LAYN: variants seen among roughly 807,000 people sequenced by gnomAD.
LAYN encodes layilin.
Under a neutral mutation model 43.6 loss-of-function variants are expected in LAYN, and 38 were observed. The observed-to-expected ratio is 0.87, with a 90% CI of 0.67 to 1.14. LAYN has a LOEUF of 1.14. Ranked by LOEUF, LAYN falls within the 50% of genes most tolerant of loss-of-function variation. LAYN has a pLI of 0.00. For synonymous variants in LAYN, 168 were observed against 172.9 expected (o/e 0.97, Z 0.22); for missense variants, 479 against 463.8 (o/e 1.03, Z -0.30).
Position 111,561,497 on chromosome 11 carries a change from A to G in LAYN, c.*1039A>G, listed in dbSNP as rs1463878404. On this transcript the variant is annotated 3_prime_UTR_variant, in exon 7 of 7. Coordinates refer to ENST00000375614, the MANE Select transcript of LAYN (RefSeq NM_178834.5). ...GCAGCATCAACATAACATGACTAAT[A>G]ATGATGACAGTTCTACCTTTTGTTG... 6.6e-6 allele frequency: 1 copy of G among 152,244 alleles called. No individual in the cohort carries two copies. The highest frequency in any genetic ancestry group is 1.5e-5 in the Non-Finnish European group (1 of 68,036). 9.4% of individuals were successfully genotyped at this position (152,244 alleles called of 1,614,324 possible).
upstream of LAYN, chr11:111,540,568 T>G: frequency 2.1e-6 from 1 of 482,752 alleles, no homozygotes; most frequent in Admixed American, 4.4e-5. Flanking sequence ...CCTCTGCGAC[T>G]CGCCCCTCTC....
Position 111,560,205 on chromosome 11 carries a change from G to A in LAYN, c.872G>A (p.Ser291Asn). 6.2e-7 allele frequency: 1 copy of A among 1,614,216 alleles called. No homozygotes were observed. Among genetic ancestry groups the A allele is most frequent in the Non-Finnish European group, 8.5e-7 (1 of 1,180,042 alleles). ...GTCTACAATGTCATAAGAAAACAAA[G>A]CGAAGCTGACTTAGCTGAGACCCGG... ...LEVYNVIRKQ[S>N]EADLAETRPD... The change falls in exon 7 of 7, where the codon AGC becomes AAC. Residue 291 changes from serine to asparagine, a missense_variant. Physicochemically the swap from Ser to Asn is conservative, Grantham distance 46. Coordinates refer to ENST00000375614, the MANE Select transcript of LAYN (RefSeq NM_178834.5).
chr11:111,542,625 C>A (rs919785497), intron 1 of LAYN, among the ~76,000 whole-genome samples: 2 of 152,226 alleles, frequency 1.3e-5, no homozygotes, highest in Non-Finnish European at 2.9e-5. Flanking sequence ...TCCAGAAGTT[C>A]TGGGAGGAGG....
At chr11:111,541,130 C>T (rs572642276) in intron 1 of LAYN, among the ~76,000 whole-genome samples, 3 of 152,248 alleles carry the variant, frequency 2.0e-5, no homozygotes, top group Non-Finnish European at 4.4e-5. Flanking sequence ...CGGAGCTGCG[C>T]AGTTCCCTGC....
chr11:111,540,715 C>A, upstream of LAYN: 1 of 881,002 alleles, frequency 1.1e-6, no homozygotes, highest in Admixed American at 3.5e-5. Context: ...TCCCCCCCGC[C>A]TCCCGTGCGG....
chr11:111,540,891 G>T lies in LAYN; in HGVS notation c.48G>T (p.Leu16=). ...AGGCCGTGCTGCTGGCCGTGCTGCTGGTGGGGCTGCGGGCCGCGACGGGTC... is the reference window on the plus strand; with the variant it reads ...AGGCCGTGCTGCTGGCCGTGCTGCTTGTGGGGCTGCGGGCCGCGACGGGTC... ...ALQAVLLAVL[L]VGLRAATGRL... The change falls in exon 1 of 7, where the codon CTG becomes CTT. Residue 16 remains leucine (L), a synonymous_variant. Transcript: ENST00000375614. The T allele has an allele frequency of 6.5e-7, 1 of 1,532,524 alleles. No homozygotes were observed. The highest frequency in any genetic ancestry group is 8.7e-7 in the Non-Finnish European group (1 of 1,145,764). The allele number at this position is 1,532,524 out of a possible 1,614,324, so 94.9% of individuals were successfully genotyped here.
rs1161189175 is a variant in LAYN, at chr11:111,540,744, A to C, written c.-100A>C. On this transcript the variant is annotated 5_prime_UTR_variant, in exon 1 of 7. An upstream start codon of the reference 5' UTR is lost. Coordinates refer to ENST00000375614, the MANE Select transcript of LAYN (RefSeq NM_178834.5). ...CGTGCGGTCCGTCGGTGGCCTAGAG[A>C]TGCTGCTGCCGCGGTTGCAGTTGTC... 6.6e-6 allele frequency: 8 copies of C among 1,209,690 alleles called. No homozygotes were observed. Among genetic ancestry groups the C allele is most frequent in the Non-Finnish European group, 8.9e-6 (8 of 894,774 alleles). The allele number at this position is 1,209,690 out of a possible 1,614,324, so 74.9% of individuals were successfully genotyped here. A position where few individuals can be genotyped will look rare whatever the true frequency, so the allele number is the denominator to read the frequency against.
In LAYN at chr11:111,544,160, G is replaced by A. The variant is rs759614532; in HGVS notation, c.323G>A (p.Ser108Asn). 41 of 1,614,062 alleles carry A rather than the reference G, an allele frequency of 2.5e-5. No homozygotes were observed. Among genetic ancestry groups the A allele is most frequent in the Non-Finnish European group, 3.3e-5 (39 of 1,180,044 alleles). The change falls in exon 2 of 7, where the codon AGC (serine) becomes AAC (asparagine). Residue 108 changes from serine to asparagine, a missense_variant. Transcript: ENST00000375614. ...CTCAGGAGGCGTGAGGAGAAACAAA[G>A]CAATAGCACAGCCTGCCAGGACCTT... ...IGLRRREEKQ[S>N]NSTACQDLYA...
In LAYN at chr11:111,540,809, C is replaced by T. The variant is rs1319774770; in HGVS notation, c.-35C>T. 6.6e-7 allele frequency: 1 copy of T among 1,510,890 alleles called. No individual in the cohort carries two copies. The highest frequency in any genetic ancestry group is 8.8e-7 in the Non-Finnish European group (1 of 1,135,864). 93.6% of individuals were successfully genotyped at this position (1,510,890 alleles called of 1,614,324 possible). A position where few individuals can be genotyped will look rare whatever the true frequency, so the allele number is the denominator to read the frequency against. ...CCGCCAGCCCGCTCCACCGCCGTAGCGCCCGAGTGTCGGGGGGCGCACCCG... is the reference window on the plus strand; with the variant it reads ...CCGCCAGCCCGCTCCACCGCCGTAGTGCCCGAGTGTCGGGGGGCGCACCCG... On this transcript the variant is annotated 5_prime_UTR_variant, in exon 1 of 7. Transcript: ENST00000375614.
In LAYN at chr11:111,555,285, G is replaced by A. The variant is rs1393185537; in HGVS notation, c.653G>A (p.Ser218Asn). The change falls in exon 5 of 7, where the codon AGT (serine) becomes AAT (asparagine). Residue 218 changes from serine to asparagine, a missense_variant. Ser to Asn is a conservative substitution (Grantham distance 46, BLOSUM62 1). Transcript: ENST00000375614. ...GATGCCAAAAAAACATTTAAAGAAAGTAGAGGTATCTACAAAACTCTCCTG... is the reference window on the plus strand; with the variant it reads ...GATGCCAAAAAAACATTTAAAGAAAATAGAGGTATCTACAAAACTCTCCTG... ...EEDAKKTFKE[S>N]REAALNLAYI... 3.1e-6 allele frequency: 5 copies of A among 1,610,006 alleles called. No individual in the cohort carries two copies. Among genetic ancestry groups the A allele is most frequent in the Admixed American group, 1.7e-5 (1 of 59,968 alleles).
At position 111,557,662 on chromosome 11, in the gene LAYN, G is replaced by T; in HGVS notation, c.761+19G>T. ...GAAAAAGGCAAGTAAAACCTTCATT[G>T]TGTAAACCTTTGCATCTTCTGCTCT... On this transcript the variant is annotated intron_variant, in intron 6 of 6. Transcript: ENST00000375614. The T allele has an allele frequency of 6.4e-7, 1 of 1,569,712 alleles. No individual in the cohort carries two copies.
At chr11:111,555,548 T>G (rs1867822900) in intron 5 of LAYN, among the ~76,000 whole-genome samples, 1 of 152,148 alleles carries the variant, frequency 6.6e-6, no homozygotes, top group Non-Finnish European at 1.5e-5. Flanking sequence ...TGGGAGCCAC[T>G]CAGAGGTCAT....
chr11:111,555,363 C>G (rs965130443), intron 5 of LAYN, 73 bp downstream of exon 5: 9 of 1,107,102 alleles, frequency 8.1e-6, no homozygotes, highest in Non-Finnish European at 1.2e-5. Context: ...TGGTTGAATT[C>G]CCTACTTTGT....
chr11:111,542,232 C>G (rs1185092253), intron 1 of LAYN, among the ~76,000 whole-genome samples: 2 of 152,192 alleles, frequency 1.3e-5, no homozygotes, highest in African/African-American at 4.8e-5. Flanking sequence ...CCGGGGGTAT[C>G]CCTGCCTCAG....
chr11:111,540,667 C>T, upstream of LAYN: 3 of 572,324 alleles, frequency 5.2e-6, no homozygotes, highest in Non-Finnish European at 8.7e-6. Flanking sequence ...GCAGTGACGT[C>T]CCAGGGGGCG....
intron 3 of LAYN, among the ~76,000 whole-genome samples, chr11:111,551,712 GACA>G (rs200540269): frequency 0.012 from 1,804 of 152,186 alleles, 36 homozygotes; most frequent in African/African-American, 0.041. Flanking sequence ...CTTCAGATTA[GACA>G]ACACCTTCTC....
At chr11:111,551,242 C>G (rs1349271382) in intron 3 of LAYN, 2 of 429,654 alleles carry the variant, frequency 4.7e-6, no homozygotes, top group Admixed American at 5.1e-5. Context: ...TCAAACCATG[C>G]TGACGTGGGA....
intron 1 of LAYN, 116 bp from the exon 2 acceptor site, chr11:111,543,807 A>G: frequency 1.2e-6 from 1 of 816,760 alleles, no homozygotes; most frequent in Non-Finnish European, 1.9e-6. Flanking sequence ...ATAACAGTCT[A>G]CTGATGTGTA....
intron 2 of LAYN, among the ~76,000 whole-genome samples, chr11:111,545,055 A>AATAC (rs1555016973): frequency 2.4e-5 from 2 of 82,466 alleles, no homozygotes; most frequent in Non-Finnish European, 7.2e-5. Context: ...AAATTTAACA[A>AATAC]ATATATATAT....
Sources: gnomAD v4.1 joint callset for allele counts (sites outside exome capture counted in the v4.1 genomes callset) on GRCh38, gnomAD v4.1.1 for gene constraint, MANE v1.5 for transcripts, NCBI Gene and HGNC (gene_info 2026-07-23, HGNC 2026-07-21) for gene names.